PRKCB: variants seen among roughly 807,000 people sequenced by gnomAD.
PRKCB encodes protein kinase C beta type.
In PRKCB, 13 loss-of-function variants were observed where a neutral mutation model predicts 81.5. The observed-to-expected ratio is 0.16, with a 90% CI of 0.10 to 0.25. The LOEUF is 0.25. Among genes scored for constraint, PRKCB ranks in the 10% least tolerant of loss-of-function variants. PRKCB has a pLI of 1.00. For missense variants in PRKCB, 509 were observed against 875.7 expected, an observed-to-expected ratio of 0.58 and a Z score of 5.29; for synonymous variants, 335 against 321.4, an observed-to-expected ratio of 1.04 and a Z score of -0.45.
chr16:24,091,010 G>A (rs1966369604), intron 5 of PRKCB, among the ~76,000 whole-genome samples: 1 of 152,096 alleles, frequency 6.6e-6, no homozygotes, highest in South Asian at 2.1e-4. Context: ...GCAGGTTATG[G>A]GTGATACATG....
intron 4 of PRKCB, among the ~76,000 whole-genome samples, chr16:24,034,947 A>G (rs997363264): frequency 5.9e-5 from 9 of 152,138 alleles, no homozygotes; most frequent in African/African-American, 2.2e-4. Flanking sequence ...AGCCCAACCT[A>G]TTAGCTGTTA....
In PRKCB at chr16:24,039,937, G is replaced by T. The variant is rs1428269949; in HGVS notation, c.529+4390G>T. ...GTTGTGCGGGGTCCTTCCCAGCAGTGCCAGGCCAGAAGTGGCCTTGTGGTG... is the reference window on the plus strand; with the variant it reads ...GTTGTGCGGGGTCCTTCCCAGCAGTTCCAGGCCAGAAGTGGCCTTGTGGTG... On this transcript the variant is annotated intron_variant, in intron 5 of 16. Transcript: ENST00000643927. Among the ~76,000 whole-genome samples the T allele has an allele frequency of 1.3e-5, 2 of 152,176 alleles. 1 individual carries two copies. Among genetic ancestry groups the T allele is most frequent in the Admixed American group, 1.3e-4 (2 of 15,280 alleles).
Position 24,172,700 on chromosome 16 carries a change from G to T in PRKCB, c.1331+339G>T, listed in dbSNP as rs542694514. ...GTCTCTATAAAAAATAAAAAACTTA[G>T]CTGGGCATGGTGGCGCACAGCTGTA... On this transcript the variant is annotated intron_variant, in intron 11 of 16. Coordinates refer to ENST00000643927, the MANE Select transcript of PRKCB (RefSeq NM_002738.7). 6.6e-4 allele frequency among the ~76,000 whole-genome samples: 100 copies of T among 152,160 alleles called. 2 individuals carry two copies. The South Asian group carries it at 0.02, about 30-fold the overall frequency.
chr16:24,208,019 C>T (rs759070026), intron 16 of PRKCB: 3 of 152,186 alleles, frequency 2.0e-5, no homozygotes, highest in Admixed American at 6.5e-5. Flanking sequence ...CCTAAATGGC[C>T]CCTTAAGCCA....
chr16:23,976,751 G>A (rs538160970), intron 2 of PRKCB, among the ~76,000 whole-genome samples: 3 of 152,252 alleles, frequency 2.0e-5, no homozygotes, highest in African/African-American at 7.2e-5. Context: ...TGCATCTTTG[G>A]GGGCCTGATC....
chr16:23,931,009 G>A (rs1383696947), intron 2 of PRKCB, among the ~76,000 whole-genome samples: 1 of 152,214 alleles, frequency 6.6e-6, no homozygotes, highest in Non-Finnish European at 1.5e-5. Flanking sequence ...CCCAGAGATG[G>A]ACCCAGTCTG....
intron 5 of PRKCB, among the ~76,000 whole-genome samples, chr16:24,082,016 G>T (rs35526040): frequency 0.014 from 2,077 of 152,224 alleles, 26 homozygotes; most frequent in African/African-American, 0.035. Context: ...TAATGAGTGA[G>T]TTTAGCTGGG....
intron 2 of PRKCB, among the ~76,000 whole-genome samples, chr16:23,871,552 C>CTCTAATCCCATCA (rs1479302647): frequency 6.6e-6 from 1 of 152,120 alleles, no homozygotes; most frequent in Non-Finnish European, 1.5e-5. Flanking sequence ...TTCCAGCATT[C>CTCTAATCCCATCA]TCTAATCCCA....
At chr16:23,937,854 G>C (rs2560403) in intron 2 of PRKCB, among the ~76,000 whole-genome samples, 147,154 of 152,346 alleles carry the variant, frequency 0.97, 71,109 homozygotes, top group East Asian at 1. Context: ...AACTTGTGCA[G>C]TGGTTTGTGT....
In PRKCB at chr16:23,868,495, A is replaced by T. The variant is rs1432437196; in HGVS notation, c.205+31089A>T. ...ATTAATTATCTTATTTGATTTTCAC[A>T]ATGACCTATCAGTTACATAATTGAT... On this transcript the variant is annotated intron_variant, in intron 2 of 16. Transcript: ENST00000643927. 2.0e-5 allele frequency among the ~76,000 whole-genome samples: 3 copies of T among 152,242 alleles called. No individual in the cohort carries two copies. The South Asian group carries it at 6.2e-4, about 31-fold the overall frequency.
chr16:24,138,438 A>T (rs958812342), intron 9 of PRKCB, among the ~76,000 whole-genome samples: 8 of 152,252 alleles, frequency 5.3e-5, no homozygotes, highest in African/African-American at 1.7e-4. Context: ...GCAACCATTT[A>T]AAAAAGAGTC....
chr16:23,982,754 G>A (rs757345311), intron 2 of PRKCB, among the ~76,000 whole-genome samples: 6 of 152,146 alleles, frequency 3.9e-5, no homozygotes, highest in African/African-American at 9.7e-5. Flanking sequence ...GATCTTGCCT[G>A]TAATAAGGGA....
chr16:23,889,448 A>G (rs1306466805), intron 2 of PRKCB, among the ~76,000 whole-genome samples: 2 of 152,248 alleles, frequency 1.3e-5, no homozygotes, highest in Non-Finnish European at 2.9e-5. Flanking sequence ...AGTGTTAGCT[A>G]TTAGCATTAT....
chr16:23,879,272 G>A (rs936647754), intron 2 of PRKCB, among the ~76,000 whole-genome samples: 13 of 152,068 alleles, frequency 8.5e-5, no homozygotes, highest in African/African-American at 2.7e-4. Flanking sequence ...AGTAGAGAAT[G>A]CTGAGAGCTG....
intron 1 of PRKCB, 125 bp downstream of exon 1, chr16:23,836,473 C>A (rs943958679): frequency 7.3e-7 from 1 of 1,364,946 alleles, no homozygotes; most frequent in South Asian, 1.4e-5. Context: ...TCTCCGGACT[C>A]CCGGCTCCGG....
intron 2 of PRKCB, among the ~76,000 whole-genome samples, chr16:23,855,953 G>A (rs1186244889): frequency 2.0e-5 from 3 of 152,168 alleles, no homozygotes; most frequent in Non-Finnish European, 4.4e-5. Context: ...CCCTATAGAT[G>A]GTTTTGAGGG....
intron 5 of PRKCB, among the ~76,000 whole-genome samples, chr16:24,092,174 T>A: frequency 6.6e-6 from 1 of 152,182 alleles, no homozygotes; most frequent in Non-Finnish European, 1.5e-5. Context: ...TCACTCCCCA[T>A]TTCCCTTTCC....
At chr16:23,917,949 T>C (rs530335070) in intron 2 of PRKCB, among the ~76,000 whole-genome samples, 2 of 152,358 alleles carry the variant, frequency 1.3e-5, no homozygotes, top group South Asian at 4.1e-4. Context: ...TCTTTGTCTT[T>C]CTTGGTGATC....
chr16:23,960,644 T>A (rs1424523164), intron 2 of PRKCB, among the ~76,000 whole-genome samples: 2 of 152,218 alleles, frequency 1.3e-5, no homozygotes, highest in Non-Finnish European at 2.9e-5. Context: ...CACTCTGACA[T>A]GGCCCAGTGT....
Sources: allele counts gnomAD v4.1 joint callset (sites outside exome capture counted in the v4.1 genomes callset), GRCh38; gene constraint gnomAD v4.1.1; transcripts MANE v1.5; gene names NCBI Gene and HGNC (gene_info 2026-07-23, HGNC 2026-07-21).